Variants in CRHR1 observed in about 807,000 individuals in gnomAD.
CRHR1 encodes the protein corticotropin releasing hormone receptor 1.
Under a neutral mutation model 56.0 loss-of-function variants are expected in CRHR1, and 28 were observed. The observed-to-expected ratio is 0.50, with a 90% CI of 0.37 to 0.69. The LOEUF (loss-of-function observed/expected upper bound fraction) is 0.69, where lower values mean the gene tolerates loss of function less well. Ranked by LOEUF, CRHR1 falls within the 30% of genes least tolerant of loss-of-function variation. CRHR1 has a pLI of 0.00. For synonymous variants in CRHR1, 195 were observed against 216.5 expected, an observed-to-expected ratio of 0.90 and a Z score of 0.87; for missense variants, 376 against 548.0, an observed-to-expected ratio of 0.69 and a Z score of 3.13.
intron 1 of CRHR1, chr17:45,800,213 A>G (rs915516543): frequency 3.3e-5 from 5 of 152,270 alleles, no homozygotes; most frequent in Admixed American, 6.5e-5. Flanking sequence ...GAAGGATCCC[A>G]GACCACCAAG....
At chr17:45,814,005 C>T (rs1484327700) in intron 2 of CRHR1, among the ~76,000 whole-genome samples, 1 of 152,216 alleles carries the variant, frequency 6.6e-6, no homozygotes, top group Non-Finnish European at 1.5e-5. Flanking sequence ...GCCTCTGCCT[C>T]GGCTCTGGCC....
intron 1 of CRHR1, among the ~76,000 whole-genome samples, chr17:45,797,187 C>T (rs1487584570): frequency 6.6e-6 from 1 of 151,936 alleles, no homozygotes; most frequent in African/African-American, 2.4e-5. Context: ...AAAGCCAAGT[C>T]AGGAAGGAAG....
chr17:45,812,721 CCT>C (rs1178724172), intron 2 of CRHR1, among the ~76,000 whole-genome samples: 1 of 152,158 alleles, frequency 6.6e-6, no homozygotes, highest in Non-Finnish European at 1.5e-5. Flanking sequence ...TTCCCGCCTG[CCT>C]CTCTCTATTT....
intron 1 of CRHR1, among the ~76,000 whole-genome samples, chr17:45,802,174 A>G (rs988912245): frequency 6.6e-6 from 1 of 152,042 alleles, no homozygotes; most frequent in African/African-American, 2.4e-5. Context: ...AAAACACAAA[A>G]CTTAGCTGGG....
chr17:45,832,518 G>A (rs1245125504), intron 8 of CRHR1, among the ~76,000 whole-genome samples: 3 of 152,210 alleles, frequency 2.0e-5, no homozygotes, highest in African/African-American at 7.2e-5. Context: ...ATGAGATCTA[G>A]CCACTGGGGG....
intron 2 of CRHR1, among the ~76,000 whole-genome samples, chr17:45,815,056 T>G (rs1034918888): frequency 1.3e-5 from 2 of 152,256 alleles, no homozygotes; most frequent in Non-Finnish European, 2.9e-5. Context: ...CCTGAGAGAC[T>G]GGGGACAAGC....
intron 2 of CRHR1, among the ~76,000 whole-genome samples, chr17:45,814,432 A>G (rs996209695): frequency 1.3e-5 from 2 of 152,194 alleles, no homozygotes; most frequent in Non-Finnish European, 2.9e-5. Flanking sequence ...CCTGCCTATG[A>G]GTCTTGGTTC....
At chr17:45,813,352 T>C (rs1030781358) in intron 2 of CRHR1, among the ~76,000 whole-genome samples, 2 of 146,888 alleles carry the variant, frequency 1.4e-5, no homozygotes, top group African/African-American at 2.5e-5. Context: ...GTGCTGACCT[T>C]TCACTCGGGG....
At chr17:45,832,142 G>A (rs1034711964) in intron 8 of CRHR1, among the ~76,000 whole-genome samples, 1 of 152,200 alleles carries the variant, frequency 6.6e-6, no homozygotes, top group Non-Finnish European at 1.5e-5. Context: ...TGAGGCAGGA[G>A]AATCTCTTGA....
intron 1 of CRHR1, among the ~76,000 whole-genome samples, chr17:45,791,782 C>T (rs1430428349): frequency 6.0e-5 from 9 of 151,236 alleles, no homozygotes; most frequent in Non-Finnish European, 1.3e-4. Context: ...GGATCTGTTG[C>T]CTCTGTGGGC....
intron 4 of CRHR1, among the ~76,000 whole-genome samples, chr17:45,822,297 C>T (rs930183349): frequency 6.6e-6 from 1 of 152,250 alleles, no homozygotes; most frequent in African/African-American, 2.4e-5. Context: ...AATGCTGCTG[C>T]AATGAATAAT....
chr17:45,789,510 T>C (rs1324826550), intron 1 of CRHR1, among the ~76,000 whole-genome samples: 1 of 151,708 alleles, frequency 6.6e-6, no homozygotes, highest in Non-Finnish European at 1.5e-5. Flanking sequence ...TAGCTGGGAC[T>C]ATAGGTGTGC....
At chr17:45,823,855 A>G (rs970404414) in intron 4 of CRHR1, among the ~76,000 whole-genome samples, 4 of 152,176 alleles carry the variant, frequency 2.6e-5, no homozygotes, top group African/African-American at 9.7e-5. Flanking sequence ...GTCAATGCCT[A>G]GCTTAAAAGA....
intron 2 of CRHR1, among the ~76,000 whole-genome samples, chr17:45,815,059 G>A (rs2061899666): frequency 6.6e-6 from 1 of 152,266 alleles, no homozygotes; most frequent in African/African-American, 2.4e-5. Context: ...GAGAGACTGG[G>A]GACAAGCTAA....
At chr17:45,793,752 T>G (rs892164696) in intron 1 of CRHR1, among the ~76,000 whole-genome samples, 1 of 152,116 alleles carries the variant, frequency 6.6e-6, no homozygotes, top group Non-Finnish European at 1.5e-5. Flanking sequence ...AGGACCACTG[T>G]CCCTAAAGCT....
intron 1 of CRHR1, chr17:45,799,509 C>T (rs185073027): frequency 6.6e-6 from 1 of 152,250 alleles, no homozygotes; most frequent in African/African-American, 2.4e-5. Flanking sequence ...TAGGCTCCAC[C>T]TGAACACAGT....
At chr17:45,829,160 C>T in intron 4 of CRHR1, 55 bp from the exon 5 acceptor site, 1 of 1,406,644 alleles carries the variant, frequency 7.1e-7, no homozygotes, top group Non-Finnish European at 1.0e-6. Flanking sequence ...GATGTCCTCA[C>T]AGAGCAGCTC....
chr17:45,795,921 T>C (rs541296639), intron 1 of CRHR1, among the ~76,000 whole-genome samples: 317 of 152,354 alleles, frequency 2.1e-3, no homozygotes, highest in African/African-American at 7.1e-3. Flanking sequence ...CAGCCCTCTT[T>C]AAACTGACCT....
chr17:45,826,647 T>C (rs1469892868), intron 4 of CRHR1: 1 of 151,960 alleles, frequency 6.6e-6, no homozygotes, highest in African/African-American at 2.4e-5. Flanking sequence ...CCCCAGAGAG[T>C]GCCTCTGCTT....
Sources: allele counts gnomAD v4.1 joint callset (sites outside exome capture counted in the v4.1 genomes callset), GRCh38; gene constraint gnomAD v4.1.1; transcripts MANE v1.5; gene names NCBI Gene and HGNC (gene_info 2026-07-23, HGNC 2026-07-21).